VAC14: variants seen among roughly 807,000 people sequenced by gnomAD.
The protein encoded by VAC14 is VAC14 component of PIKFYVE complex, also known as protein VAC14 homolog.
In VAC14, 47 loss-of-function variants were observed where a neutral mutation model predicts 85.3. The observed-to-expected ratio is 0.55, with a 90% CI of 0.44 to 0.70. VAC14 has a LOEUF of 0.70. Among genes scored for constraint, VAC14 ranks in the 30% least tolerant of loss-of-function variants. The pLI is 0.00. For missense variants in VAC14, 861 were observed against 1,004.3 expected (o/e 0.86, Z 1.93); for synonymous variants, 447 against 430.5 (o/e 1.04, Z -0.47).
At chr16:70,775,867 G>T (rs927403506) in intron 9 of VAC14, among the ~76,000 whole-genome samples, 2 of 152,210 alleles carry the variant, frequency 1.3e-5, no homozygotes, top group Admixed American at 1.3e-4. Flanking sequence ...CTTTCATGCA[G>T]GGTGGGACTG....
intron 14 of VAC14, among the ~76,000 whole-genome samples, chr16:70,717,475 G>C (rs959523158): frequency 6.6e-6 from 1 of 151,948 alleles, no homozygotes; most frequent in African/African-American, 2.4e-5. Context: ...TGTATTTTCC[G>C]GATATAGATC....
At chr16:70,774,300 C>A (rs1597989403) in intron 9 of VAC14, among the ~76,000 whole-genome samples, 2 of 152,198 alleles carry the variant, frequency 1.3e-5, no homozygotes, top group East Asian at 3.8e-4. Flanking sequence ...GGTCACTCTG[C>A]AGAATGTCTC....
chr16:70,799,515 C>G (rs528757697), intron 1 of VAC14, among the ~76,000 whole-genome samples: 2 of 152,278 alleles, frequency 1.3e-5, no homozygotes, highest in East Asian at 3.9e-4. Flanking sequence ...TTGCAAGCAG[C>G]AGTTGTCAAC....
At chr16:70,723,351 G>C (rs1002498439) in intron 14 of VAC14, among the ~76,000 whole-genome samples, 1 of 152,176 alleles carries the variant, frequency 6.6e-6, no homozygotes, top group Non-Finnish European at 1.5e-5. Flanking sequence ...GCTGAGGCAG[G>C]AGGTCACAGC....
intron 14 of VAC14, among the ~76,000 whole-genome samples, chr16:70,718,814 C>G (rs2054223174): frequency 6.6e-6 from 1 of 152,204 alleles, no homozygotes. Flanking sequence ...TGGATCATAA[C>G]TGGCTGGGAT....
At chr16:70,793,650 G>A (rs2034429694) in intron 1 of VAC14, among the ~76,000 whole-genome samples, 1 of 152,176 alleles carries the variant, frequency 6.6e-6, no homozygotes, top group East Asian at 1.9e-4. Flanking sequence ...TCTGTCCTAG[G>A]TGGCAGAGGT....
Position 70,698,641 on chromosome 16 carries a change from G to T in VAC14, c.1832C>A (p.Thr611Asn). 1 of 1,614,126 alleles carries T rather than the reference G, an allele frequency of 6.2e-7. No individual in the cohort carries two copies. Among genetic ancestry groups the T allele is most frequent in the Non-Finnish European group, 8.5e-7 (1 of 1,179,972 alleles). Reference sequence around the variant, plus strand: ...GGAGTCCCGGACGCAGCCTACCAGGGTCTTCAGGTCCTTCAGCTGGTTCCT... The same window carrying T: ...GGAGTCCCGGACGCAGCCTACCAGGTTCTTCAGGTCCTTCAGCTGGTTCCT... Reference protein sequence around the residue: ...QLRNQLKDLKTLESQNLFCCL... With the variant: ...QLRNQLKDLKNLESQNLFCCL... Residue 611 changes from threonine to asparagine, a missense_variant, in exon 15 of 19, where the codon ACC becomes AAC. By Grantham distance (65) the Thr-to-Asn change is moderately conservative (BLOSUM62 0). This residue lies in a region of VAC14 where 69 missense variants were observed against 139.0 expected (regional missense o/e 0.50). Transcript: ENST00000261776.
chr16:70,715,447 G>C (rs2054144344), intron 14 of VAC14: 2 of 152,314 alleles, frequency 1.3e-5, no homozygotes, highest in African/African-American at 4.8e-5. Context: ...AGGCACTGAC[G>C]GACACCCAGG....
At chr16:70,732,169 A>C (rs1246808194) in intron 13 of VAC14, among the ~76,000 whole-genome samples, 1 of 152,204 alleles carries the variant, frequency 6.6e-6, no homozygotes, top group Non-Finnish European at 1.5e-5. Flanking sequence ...TCCTAATCTG[A>C]CCTGAGGAAA....
intron 18 of VAC14, chr16:70,691,467 TC>T: frequency 2.5e-5 from 25 of 985,386 alleles, no homozygotes; most frequent in Non-Finnish European, 2.7e-5. Flanking sequence ...TCTAGGCCTC[TC>T]TCGGAGTCTC....
intron 17 of VAC14, 55 bp downstream of exon 17, chr16:70,695,489 A>G (rs1180889089): frequency 6.3e-7 from 1 of 1,576,114 alleles, no homozygotes; most frequent in Non-Finnish European, 8.7e-7. Flanking sequence ...CACCCACCCC[A>G]CTCCAGGGCA....
chr16:70,710,051 G>A (rs942265369), intron 14 of VAC14, among the ~76,000 whole-genome samples: 2 of 152,288 alleles, frequency 1.3e-5, no homozygotes, highest in African/African-American at 2.4e-5. Flanking sequence ...CGAGGAGGCC[G>A]CCACCGCCTG....
chr16:70,796,299 G>A (rs12934723), intron 1 of VAC14, among the ~76,000 whole-genome samples: 19,577 of 152,096 alleles, frequency 0.13, 1,435 homozygotes, highest in African/African-American at 0.2. Flanking sequence ...CATTTTTAGT[G>A]TCTGAGAGGC....
intron 1 of VAC14, among the ~76,000 whole-genome samples, chr16:70,795,248 C>T (rs960362233): frequency 6.6e-6 from 1 of 152,032 alleles, no homozygotes; most frequent in Non-Finnish European, 1.5e-5. Flanking sequence ...GGGTGGATCA[C>T]GAGGTCAGGA....
chr16:70,795,209 G>A (rs1404736273), intron 1 of VAC14, among the ~76,000 whole-genome samples: 1 of 152,184 alleles, frequency 6.6e-6, no homozygotes, highest in Non-Finnish European at 1.5e-5. Context: ...GCTCATGCCT[G>A]TAATCCCAGC....
At chr16:70,691,704 G>T in intron 18 of VAC14, 3 of 985,434 alleles carry the variant, frequency 3.0e-6, no homozygotes, top group Non-Finnish European at 3.6e-6. Context: ...TCTTGGTTGG[G>T]GCCACACTTT....
chr16:70,787,805 A>T (rs1345847376), intron 1 of VAC14, among the ~76,000 whole-genome samples: 2 of 152,226 alleles, frequency 1.3e-5, no homozygotes, highest in Non-Finnish European at 2.9e-5. Flanking sequence ...AGAACAGTAC[A>T]GCAGCGGGAT....
chr16:70,706,643 C>T (rs1192132727), intron 14 of VAC14, among the ~76,000 whole-genome samples: 7 of 152,224 alleles, frequency 4.6e-5, no homozygotes, highest in African/African-American at 9.6e-5. Flanking sequence ...GCTGGGATTA[C>T]AGGCATGTGC....
At chr16:70,760,839 T>C (rs768284572) in intron 12 of VAC14, among the ~76,000 whole-genome samples, 17 of 152,190 alleles carry the variant, frequency 1.1e-4, no homozygotes, top group Non-Finnish European at 2.4e-4. Context: ...AGCAAAGTTC[T>C]GCTCTTCTTT....
Sources: gnomAD v4.1 joint callset for allele counts (sites outside exome capture counted in the v4.1 genomes callset) on GRCh38, gnomAD v4.1.1 for gene constraint, gnomAD v4.1.1 regional missense constraint, MANE v1.5 for transcripts, NCBI Gene and HGNC (gene_info 2026-07-23, HGNC 2026-07-21) for gene names.